Variants in KLHL5 observed in about 807,000 individuals in gnomAD.
KLHL5 encodes kelch like family member 5.
Under a neutral mutation model 77.7 loss-of-function variants are expected in KLHL5, and 48 were observed. That is an observed-to-expected ratio of 0.62 (90% CI 0.49 to 0.79). KLHL5 has a LOEUF of 0.79. Ranked by LOEUF, KLHL5 falls within the 30% of genes least tolerant of loss-of-function variation. The pLI is 0.00. For missense variants in KLHL5, 723 were observed against 859.7 expected (o/e 0.84, Z 1.99); for synonymous variants, 260 against 297.0 (o/e 0.88, Z 1.28).
chr4:39,139,134 T>C, the KLHL5 span, among the ~76,000 whole-genome samples: 1 of 151,962 alleles, frequency 6.6e-6, no homozygotes, highest in Non-Finnish European at 1.5e-5. Flanking sequence ...ATACAAAAAT[T>C]AGCTGAGCAT....
chr4:39,065,155 A>G (rs1717772751), intron 1 of KLHL5, among the ~76,000 whole-genome samples: 1 of 151,930 alleles, frequency 6.6e-6, no homozygotes, highest in Non-Finnish European at 1.5e-5. Flanking sequence ...CTTTTTCTCT[A>G]TTTTTTTCTA....
intron 1 of KLHL5, among the ~76,000 whole-genome samples, chr4:39,065,313 A>G (rs1717788276): frequency 6.6e-6 from 1 of 152,068 alleles, no homozygotes; most frequent in Non-Finnish European, 1.5e-5. Context: ...ACTGTAAACA[A>G]ATCAAAGCCT....
intron 7 of KLHL5, among the ~76,000 whole-genome samples, chr4:39,106,114 A>G (rs1323236912): frequency 6.6e-6 from 1 of 152,092 alleles, no homozygotes; most frequent in African/African-American, 2.4e-5. Context: ...ACTGTCCTGC[A>G]TGATCTGGCT....
At chr4:39,108,279 T>G (rs538457105) in intron 8 of KLHL5, among the ~76,000 whole-genome samples, 14 of 152,194 alleles carry the variant, frequency 9.2e-5, no homozygotes, top group Non-Finnish European at 1.6e-4. Context: ...CTAATAGCTC[T>G]CAGTTACTCA....
At chr4:39,075,232 G>T (rs906001880) in intron 1 of KLHL5, among the ~76,000 whole-genome samples, 1 of 152,016 alleles carries the variant, frequency 6.6e-6, no homozygotes, top group African/African-American at 2.4e-5. Context: ...TTAGGAGGCT[G>T]AGGCAGGACA....
At chr4:39,063,434 A>G in intron 1 of KLHL5, 1 of 271,786 alleles carries the variant, frequency 3.7e-6, no homozygotes, top group Non-Finnish European at 7.7e-6. Context: ...AACAGATGAT[A>G]GAGTCATTTT....
intron 1 of KLHL5, among the ~76,000 whole-genome samples, chr4:39,055,073 T>C (rs1716914157): frequency 6.6e-6 from 1 of 152,248 alleles, no homozygotes; most frequent in South Asian, 2.1e-4. Flanking sequence ...TTAAAAATTC[T>C]ATCAAGTTGG....
intron 6 of KLHL5, among the ~76,000 whole-genome samples, chr4:39,099,159 G>T (rs914872471): frequency 1.3e-5 from 2 of 152,102 alleles, no homozygotes; most frequent in South Asian, 4.2e-4. Flanking sequence ...ATGGTGGCAG[G>T]TGCCTGTAAT....
intron 6 of KLHL5, among the ~76,000 whole-genome samples, chr4:39,102,393 A>C (rs1216712858): frequency 1.3e-5 from 2 of 151,094 alleles, no homozygotes; most frequent in South Asian, 2.1e-4. Flanking sequence ...TTAAAAAAAA[A>C]AAAAAAGAAA....
At chr4:39,105,451 A>C (rs1034698176) in intron 7 of KLHL5, among the ~76,000 whole-genome samples, 1 of 151,970 alleles carries the variant, frequency 6.6e-6, no homozygotes, top group African/African-American at 2.4e-5. Flanking sequence ...CAGGCTTAAA[A>C]TTTATTTTCA....
At chr4:39,063,137 ACATC>A in intron 1 of KLHL5, 102 bp downstream of exon 1, 9 of 739,340 alleles carry the variant, frequency 1.2e-5, no homozygotes, top group South Asian at 2.6e-5. Context: ...TTATATATGT[ACATC>A]TGCATACATA....
At chr4:39,075,887 C>A in intron 1 of KLHL5, 78 bp from the exon 2 acceptor site, 1 of 1,181,594 alleles carries the variant, frequency 8.5e-7, no homozygotes. Context: ...CATTTGAAGG[C>A]TTTCAAAAGA....
At chr4:39,141,621 T>A in the KLHL5 span, among the ~76,000 whole-genome samples, 1 of 151,812 alleles carries the variant, frequency 6.6e-6, no homozygotes, top group Non-Finnish European at 1.5e-5. Context: ...TATTTTTTAG[T>A]CTTGAGACAG....
At chr4:39,095,139 A>C (rs1161613496) in intron 5 of KLHL5, among the ~76,000 whole-genome samples, 1 of 152,246 alleles carries the variant, frequency 6.6e-6, no homozygotes, top group Non-Finnish European at 1.5e-5. Flanking sequence ...TAAAATTTTT[A>C]ATCAAAAGAT....
At chr4:39,056,165 C>T (rs572637033) in intron 1 of KLHL5, among the ~76,000 whole-genome samples, 3 of 152,284 alleles carry the variant, frequency 2.0e-5, no homozygotes, top group East Asian at 1.9e-4. Context: ...CCCTGTTGCC[C>T]GAGCAGCCGT....
chr4:39,129,294 G>A (rs1158146889), downstream of KLHL5, among the ~76,000 whole-genome samples: 1 of 150,564 alleles, frequency 6.6e-6, no homozygotes, highest in Non-Finnish European at 1.5e-5. The surrounding 1 kb of genome is among the most constrained non-coding windows in gnomAD (Gnocchi z 4.2). Flanking sequence ...TGCAACCTCC[G>A]CCTCCTGGGT....
At chr4:39,093,636 T>C (rs1720791831) in intron 5 of KLHL5, among the ~76,000 whole-genome samples, 1 of 152,198 alleles carries the variant, frequency 6.6e-6, no homozygotes, top group Non-Finnish European at 1.5e-5. Context: ...CAAGGCATGG[T>C]GGCTCATGCC....
rs138745180 is a variant in KLHL5, at chr4:39,098,316, G to A, written c.1300+1438G>A. Among the ~76,000 whole-genome samples the A allele has an allele frequency of 9.9e-3, 1,508 of 151,786 alleles. 21 individuals are homozygous for A. The highest frequency in any genetic ancestry group is 0.034 in the African/African-American group (1,416 of 41,410). On this transcript the variant is annotated intron_variant, in intron 6 of 10. Transcript: ENST00000504108. ...CTTGTTCTGTCACCCAGGCTGAAGTGCAGTGATGCTATCTCAGCTCACTGC... is the reference window on the plus strand; with the variant it reads ...CTTGTTCTGTCACCCAGGCTGAAGTACAGTGATGCTATCTCAGCTCACTGC...
chr4:39,137,595 G>C, the KLHL5 span, among the ~76,000 whole-genome samples: 1 of 152,196 alleles, frequency 6.6e-6, no homozygotes, highest in South Asian at 2.1e-4. Flanking sequence ...ACCCCAGCCT[G>C]GGTGATGGAA....
Sources: allele counts gnomAD v4.1 joint callset (sites outside exome capture counted in the v4.1 genomes callset), GRCh38; gene constraint gnomAD v4.1.1; non-coding constraint Gnocchi (gnomAD v3.1); transcripts MANE v1.5; gene names NCBI Gene and HGNC (gene_info 2026-07-23, HGNC 2026-07-21).